Variants in KCNIP4 observed in about 807,000 individuals in gnomAD.
The protein encoded by KCNIP4 is potassium voltage-gated channel interacting protein 4.
Under a neutral mutation model 34.0 loss-of-function variants are expected in KCNIP4, and 12 were observed. That is an observed-to-expected ratio of 0.35 (90% confidence interval 0.23 to 0.57). The LOEUF is 0.57. Among genes scored for constraint, KCNIP4 ranks in the 20% least tolerant of loss-of-function variants. KCNIP4 has a pLI of 0.83. For synonymous variants in KCNIP4, 124 were observed against 102.2 expected (o/e 1.21, Z -1.29); for missense variants, 238 against 311.7 (o/e 0.76, Z 1.78).
chr4:21,551,148 C>T (rs1738547136), intron 1 of KCNIP4, among the ~76,000 whole-genome samples: 3 of 151,986 alleles, frequency 2.0e-5, no homozygotes, highest in Admixed American at 2.0e-4. Flanking sequence ...CATATAAAAA[C>T]ATTAGTTAAT....
intron 1 of KCNIP4, among the ~76,000 whole-genome samples, chr4:21,785,689 C>T (rs772765816): frequency 2.0e-5 from 3 of 152,172 alleles, no homozygotes; most frequent in Non-Finnish European, 2.9e-5. Context: ...CTAACCTATT[C>T]AGTTTCTATG....
intron 1 of KCNIP4, among the ~76,000 whole-genome samples, chr4:21,531,039 G>T (rs1736626101): frequency 6.6e-6 from 1 of 152,182 alleles, no homozygotes; most frequent in African/African-American, 2.4e-5. Context: ...ATCTTTAAAA[G>T]CTAAGTTGAG....
At chr4:21,270,986 C>CAAA (rs370059673) in intron 1 of KCNIP4, among the ~76,000 whole-genome samples, 3 of 111,346 alleles carry the variant, frequency 2.7e-5, no homozygotes, top group African/African-American at 6.5e-5. Context: ...TCCCTGTCCC[C>CAAA]AAAAAAAAAA....
chr4:21,250,528 G>T (rs1418447214), intron 1 of KCNIP4, among the ~76,000 whole-genome samples: 1 of 152,064 alleles, frequency 6.6e-6, no homozygotes, highest in Non-Finnish European at 1.5e-5. Context: ...GAATACGCAG[G>T]ATACAAAATT....
chr4:21,763,052 G>A (rs1178884779), intron 1 of KCNIP4: 2 of 1,288,794 alleles, frequency 1.6e-6, no homozygotes, highest in Non-Finnish European at 2.0e-6. Context: ...ATGGACATAT[G>A]CACAGTTTGC....
At chr4:21,940,462 G>C (rs1730140864) in intron 1 of KCNIP4, among the ~76,000 whole-genome samples, 1 of 152,098 alleles carries the variant, frequency 6.6e-6, no homozygotes, top group Non-Finnish European at 1.5e-5. Context: ...AACATGTTTA[G>C]GCATTTATTT....
rs538552187 is a variant in KCNIP4, at chr4:21,353,237, C to T, written c.62-470528G>A. On this transcript the variant is annotated intron_variant, in intron 1 of 8. Transcript: ENST00000382152. ...AACTCTAAAAACCAGAGCACCTCTT[C>T]TCCTCCAAAGGATCGCAGCTCCTCA... Among the ~76,000 whole-genome samples the T allele has an allele frequency of 1.1e-4, 16 of 152,306 alleles. No homozygotes were observed. The South Asian group carries it at 2.7e-3, about 26-fold the overall frequency.
rs1214842163 is a variant in KCNIP4, at chr4:21,090,849, G to A, written c.62-208140C>T. On this transcript the variant is annotated intron_variant, in intron 1 of 8. Transcript: ENST00000382152. Reference sequence around the variant, plus strand: ...CGTTTGTGAAAAAAATTAGGTAAATGACTAATGAGAAAATACTACTAGACT... The same window carrying A: ...CGTTTGTGAAAAAAATTAGGTAAATAACTAATGAGAAAATACTACTAGACT... 9.2e-5 allele frequency among the ~76,000 whole-genome samples: 14 copies of A among 152,080 alleles called. No individual in the cohort carries two copies. In the East Asian group the frequency reaches 2.7e-3, roughly 29 times the overall value.
chr4:21,747,178 C>A (rs2109138447), intron 1 of KCNIP4, among the ~76,000 whole-genome samples: 1 of 152,262 alleles, frequency 6.6e-6, no homozygotes, highest in East Asian at 1.9e-4. Context: ...ACACCCATTT[C>A]AAACCCAACC....
At chr4:20,874,714 G>A (rs1027608350) in intron 2 of KCNIP4, among the ~76,000 whole-genome samples, 3 of 150,288 alleles carry the variant, frequency 2.0e-5, no homozygotes, top group Non-Finnish European at 4.4e-5. Context: ...GGAAGATAGA[G>A]ATTATAACCC....
intron 1 of KCNIP4, among the ~76,000 whole-genome samples, chr4:21,048,945 T>C (rs1046714194): frequency 3.3e-5 from 3 of 91,386 alleles, no homozygotes; most frequent in African/African-American, 5.1e-5. Context: ...TCTGTTTATC[T>C]TTTTTTTTTT....
At chr4:21,787,797 T>G (rs1470669858) in intron 1 of KCNIP4, among the ~76,000 whole-genome samples, 1 of 152,218 alleles carries the variant, frequency 6.6e-6, no homozygotes, top group Non-Finnish European at 1.5e-5. Context: ...TGTTCCTTTT[T>G]TCTCTATGTG....
At chr4:20,900,157 C>T (rs1356518319) in intron 1 of KCNIP4, among the ~76,000 whole-genome samples, 2 of 152,108 alleles carry the variant, frequency 1.3e-5, no homozygotes, top group Non-Finnish European at 2.9e-5. Context: ...TCAGATTCTC[C>T]AGCTCTTCCA....
chr4:21,524,077 C>T (rs207464385), intron 1 of KCNIP4, among the ~76,000 whole-genome samples: 4 of 152,218 alleles, frequency 2.6e-5, no homozygotes, highest in African/African-American at 9.6e-5. Context: ...TCTCCTCCTC[C>T]TTTATTTTCT....
intron 2 of KCNIP4, among the ~76,000 whole-genome samples, chr4:20,859,233 T>C (rs748217461): frequency 4.7e-4 from 72 of 152,234 alleles, no homozygotes; most frequent in Non-Finnish European, 7.5e-4. Flanking sequence ...TTTGTTTTTC[T>C]GCATTTTACC....
intron 1 of KCNIP4, among the ~76,000 whole-genome samples, chr4:20,914,548 G>A (rs931821458): frequency 6.6e-5 from 10 of 151,130 alleles, no homozygotes; most frequent in African/African-American, 2.2e-4. Flanking sequence ...AAGCCACTCA[G>A]TTTATGATAT....
intron 1 of KCNIP4, among the ~76,000 whole-genome samples, chr4:20,959,485 C>T (rs73242600): frequency 0.066 from 10,095 of 152,224 alleles, 354 homozygotes; most frequent in East Asian, 0.12. Flanking sequence ...CTAGTATATG[C>T]TAATTCACAG....
intron 1 of KCNIP4, among the ~76,000 whole-genome samples, chr4:21,679,481 C>G (rs1474347530): frequency 1.6e-3 from 1 of 632 alleles, no homozygotes; most frequent in African/African-American, 0.019. Flanking sequence ...TTTCTTGGCT[C>G]TTCCTGAGGT....
chr4:21,122,159 A>C (rs969349753), intron 1 of KCNIP4, among the ~76,000 whole-genome samples: 1 of 150,490 alleles, frequency 6.6e-6, no homozygotes, highest in Admixed American at 6.7e-5. Context: ...AAGTGGGGCT[A>C]ATTTTGCAGA....
Sources: allele counts gnomAD v4.1 joint callset (sites outside exome capture counted in the v4.1 genomes callset), GRCh38; gene constraint gnomAD v4.1.1; transcripts MANE v1.5; gene names NCBI Gene and HGNC (gene_info 2026-07-23, HGNC 2026-07-21).